Variants in RBBP8 observed in about 807,000 individuals in gnomAD.
RBBP8 encodes DNA endonuclease RBBP8.
A neutral mutation model predicts 108.3 loss-of-function variants in RBBP8; 88 were observed. The ratio of observed to expected loss-of-function variants is 0.81; its 90% CI spans 0.68 to 0.97. The LOEUF is 0.97. Among genes scored for constraint, RBBP8 ranks in the 50% least tolerant of loss-of-function variants. The pLI is 0.00. For synonymous variants in RBBP8, 332 were observed against 348.2 expected (o/e 0.95, Z 0.52); for missense variants, 1,023 against 1,049.0 (o/e 0.98, Z 0.34).
At chr18:22,937,074 G>C in intron 2 of RBBP8, 114 bp downstream of exon 2, 1 of 1,523,484 alleles carries the variant, frequency 6.6e-7, no homozygotes, top group Non-Finnish European at 8.8e-7. Flanking sequence ...TAGGTTCCGG[G>C]GGTACATGTG....
intron 17 of RBBP8, 55 bp from the exon 18 acceptor site, chr18:23,022,074 A>G (rs1248131658): frequency 5.7e-6 from 8 of 1,397,446 alleles, no homozygotes; most frequent in African/African-American, 4.3e-5. Context: ...ATCAATAAGC[A>G]TAACACTCCA....
chr18:22,974,060 T>A (rs1381803706), intron 5 of RBBP8, among the ~76,000 whole-genome samples: 3 of 152,240 alleles, frequency 2.0e-5, no homozygotes, highest in Non-Finnish European at 4.4e-5. Flanking sequence ...TAAGAAAATA[T>A]GTTTAGATTT....
chr18:22,993,731 C>T lies in RBBP8; in HGVS notation c.1823C>T (p.Ser608Phe). Residue 608 changes from serine (S) to phenylalanine (F), a missense_variant, in exon 12 of 19, where the codon TCT (serine) becomes TTT (phenylalanine). Transcript: ENST00000327155. ...NVLDDIKSAGSHEPIKIQTRS... is the reference protein window; with the variant it reads ...NVLDDIKSAGFHEPIKIQTRS... ...TTATTTCTGTTTTAGAGTGCTGGTT[C>T]TCATGAGCCAATAAAAATACAAACC... 6.2e-7 allele frequency: 1 copy of T among 1,614,086 alleles called. No individual in the cohort carries two copies. The highest frequency in any genetic ancestry group is 8.5e-7 in the Non-Finnish European group (1 of 1,180,010).
rs551016985 is a variant in RBBP8, at chr18:22,936,294, G to T, written c.-98-460G>T. On this transcript the variant is annotated intron_variant, in intron 1 of 18. Coordinates refer to ENST00000327155, the MANE Select transcript of RBBP8 (RefSeq NM_002894.3). ...TTTTTGTATTTTTAGTAAAGATGGGGTTTCACCATGGTGGCCAGGCTGATC... is the reference window on the plus strand; with the variant it reads ...TTTTTGTATTTTTAGTAAAGATGGGTTTTCACCATGGTGGCCAGGCTGATC... Among the ~76,000 whole-genome samples, 4 of 150,002 alleles carry T rather than the reference G, an allele frequency of 2.7e-5. No homozygotes were observed. The South Asian group carries it at 8.4e-4, about 31-fold the overall frequency.
chr18:22,930,191 T>G (rs1909969602), upstream of RBBP8, among the ~76,000 whole-genome samples: 1 of 152,186 alleles, frequency 6.6e-6, no homozygotes, highest in Non-Finnish European at 1.5e-5. Flanking sequence ...AAACTTACCA[T>G]TTTAACTATT....
Position 22,992,987 on chromosome 18 carries a change from A to ATCACAGTCT in RBBP8, c.1162_1170dup (p.His388_Leu390dup). On this transcript the variant is annotated inframe_insertion, in exon 11 of 19. Transcript: ENST00000327155. ...TCTGAAGATAGTGCCCTTTTCACAC[A>ATCACAGTCT]TCACAGTCTTGGGTCTGAAGTGAAC... 1 of 1,613,698 alleles carries ATCACAGTCT rather than the reference A, an allele frequency of 6.2e-7. No individual in the cohort carries two copies. Among genetic ancestry groups the ATCACAGTCT allele is most frequent in the East Asian group, 2.2e-5 (1 of 44,874 alleles).
intron 18 of RBBP8, 146 bp from the exon 19 acceptor site, chr18:23,025,997 G>A (rs1195516395): frequency 4.3e-6 from 3 of 699,634 alleles, no homozygotes; most frequent in African/African-American, 3.6e-5. Flanking sequence ...TAAATAGTGA[G>A]ATCAATCATC....
chr18:22,943,689 G>A (rs967117915), intron 2 of RBBP8, among the ~76,000 whole-genome samples: 1 of 152,022 alleles, frequency 6.6e-6, no homozygotes, highest in Non-Finnish European at 1.5e-5. Context: ...AGCCCCCACT[G>A]TTTGTCAAGA....
intron 2 of RBBP8, among the ~76,000 whole-genome samples, chr18:22,943,785 G>A (rs1396745044): frequency 6.6e-6 from 1 of 152,006 alleles, no homozygotes; most frequent in Non-Finnish European, 1.5e-5. Context: ...ATATATATAT[G>A]GTTTGGTCTG....
At chr18:23,025,900 T>C (rs1270414405) in intron 18 of RBBP8, among the ~76,000 whole-genome samples, 2 of 152,230 alleles carry the variant, frequency 1.3e-5, no homozygotes, top group African/African-American at 2.4e-5. Context: ...TAGAAACTAC[T>C]TCAAAGGAAT....
At chr18:22,964,614 TA>T (rs1567964518) in intron 4 of RBBP8, among the ~76,000 whole-genome samples, 2 of 150,810 alleles carry the variant, frequency 1.3e-5, no homozygotes, top group African/African-American at 4.8e-5. Flanking sequence ...TCTTTCTTAA[TA>T]TTTTTAATTT....
chr18:22,935,598 G>A (rs2144389057), intron 1 of RBBP8, among the ~76,000 whole-genome samples: 1 of 152,150 alleles, frequency 6.6e-6, no homozygotes, highest in Non-Finnish European at 1.5e-5. Context: ...TACTCTTTCA[G>A]CCCCTTTGTC....
At chr18:22,921,238 T>G (rs1183101178) in intron 3 of RBBP8, among the ~76,000 whole-genome samples, 1 of 152,144 alleles carries the variant, frequency 6.6e-6, no homozygotes, top group Non-Finnish European at 1.5e-5. Context: ...AAGTTCATCC[T>G]TGAGTTCATC....
At chr18:22,937,032 A>G in intron 2 of RBBP8, 72 bp downstream of exon 2, 1 of 1,595,028 alleles carries the variant, frequency 6.3e-7, no homozygotes, top group Non-Finnish European at 8.5e-7. Flanking sequence ...CCTTTGTATG[A>G]CAGTCCTGTT....
At chr18:22,949,167 C>T (rs1029546046) in intron 3 of RBBP8, among the ~76,000 whole-genome samples, 3 of 152,134 alleles carry the variant, frequency 2.0e-5, no homozygotes, top group African/African-American at 7.2e-5. Context: ...AAGAGCTGGA[C>T]TCAAACCCAT....
chr18:22,937,263 A>G (rs1598634570), intron 2 of RBBP8: 1 of 375,964 alleles, frequency 2.7e-6, no homozygotes, highest in Non-Finnish European at 5.0e-6. Flanking sequence ...CTTTGTGTCC[A>G]TGTGTACTAA....
intron 17 of RBBP8, among the ~76,000 whole-genome samples, chr18:23,021,608 G>C (rs1303773447): frequency 6.6e-6 from 1 of 152,132 alleles, no homozygotes; most frequent in Non-Finnish European, 1.5e-5. Context: ...AAATCTTAAA[G>C]GGAGAAGTCA....
intron 18 of RBBP8, among the ~76,000 whole-genome samples, chr18:23,022,912 T>TC (rs2046396742): frequency 6.6e-6 from 1 of 151,716 alleles, no homozygotes; most frequent in Non-Finnish European, 1.5e-5. Context: ...AAAATGATTT[T>TC]TTTTTTTATA....
At chr18:22,965,780 G>A (rs1223618380) in intron 4 of RBBP8, among the ~76,000 whole-genome samples, 2 of 152,094 alleles carry the variant, frequency 1.3e-5, no homozygotes, top group Non-Finnish European at 2.9e-5. Context: ...ACCAATTGTT[G>A]AGCCTTTTGG....
Sources: gnomAD v4.1 joint callset for allele counts (sites outside exome capture counted in the v4.1 genomes callset) on GRCh38, gnomAD v4.1.1 for gene constraint, MANE v1.5 for transcripts, NCBI Gene and HGNC (gene_info 2026-07-23, HGNC 2026-07-21) for gene names.